The following DPY19L3 variants were observed in gnomAD, a reference collection of about 807,000 sequenced individuals.
The protein encoded by DPY19L3 is protein C-mannosyl-transferase DPY19L3.
In DPY19L3, 51 loss-of-function variants were observed where a neutral mutation model predicts 92.3. The observed-to-expected ratio is 0.55, with a 90% CI of 0.44 to 0.70. DPY19L3 has a LOEUF of 0.70. Ranked by LOEUF, DPY19L3 falls within the 30% of genes least tolerant of loss-of-function variation. DPY19L3 has a pLI of 0.00. For synonymous variants in DPY19L3, 309 were observed against 315.2 expected, an observed-to-expected ratio of 0.98 and a Z score of 0.21; for missense variants, 706 against 855.9, an observed-to-expected ratio of 0.82 and a Z score of 2.18.
chr19:32,464,316 T>TTA (rs149674766), intron 14 of DPY19L3, among the ~76,000 whole-genome samples: 1 of 152,104 alleles, frequency 6.6e-6, no homozygotes, highest in Admixed American at 6.6e-5. Flanking sequence ...AGATAATTAT[T>TTA]TATATATGTA....
intron 8 of DPY19L3, among the ~76,000 whole-genome samples, chr19:32,443,164 A>G (rs1020671904): frequency 6.6e-6 from 1 of 152,170 alleles, no homozygotes. Flanking sequence ...TCTCCCAGCC[A>G]GCATGTGTCA....
At chr19:32,440,594 A>G (rs1030607649) in intron 8 of DPY19L3, among the ~76,000 whole-genome samples, 1 of 152,218 alleles carries the variant, frequency 6.6e-6, no homozygotes, top group Non-Finnish European at 1.5e-5. Context: ...AAGGAGATCC[A>G]GTAAGCTTCC....
chr19:32,482,783 G>A lies in DPY19L3; in HGVS notation c.*543G>A, dbSNP rs1339371154. ...TGTCAACATTAACAAAAAAAATCATGTTAAGGCTTTGTATCAAACATTTTG... is the reference window on the plus strand; with the variant it reads ...TGTCAACATTAACAAAAAAAATCATATTAAGGCTTTGTATCAAACATTTTG... On this transcript the variant is annotated 3_prime_UTR_variant, in exon 19 of 19. Coordinates refer to ENST00000392250, the MANE Select transcript of DPY19L3 (RefSeq NM_001172774.2). 1 of 153,082 alleles carries A rather than the reference G, an allele frequency of 6.5e-6. No individual in the cohort carries two copies. The highest frequency in any genetic ancestry group is 2.4e-5 in the African/African-American group (1 of 41,440). The allele number at this position is 153,082 out of a possible 1,614,324, so 9.5% of individuals were successfully genotyped here. A position where few individuals can be genotyped will look rare whatever the true frequency, so the allele number is the denominator to read the frequency against.
intron 4 of DPY19L3, 145 bp downstream of exon 4, chr19:32,432,951 G>A: frequency 1.5e-6 from 1 of 645,940 alleles, no homozygotes; most frequent in Non-Finnish European, 2.6e-6. Context: ...TCATGAAAAT[G>A]TTTTTTGCTC....
intron 9 of DPY19L3, 85 bp downstream of exon 9, chr19:32,453,361 A>C: frequency 7.3e-7 from 1 of 1,373,896 alleles, no homozygotes; most frequent in Non-Finnish European, 9.8e-7. Context: ...ACAGCATACA[A>C]AGGGAAATTT....
chr19:32,444,100 G>A (rs1310170850), intron 8 of DPY19L3, among the ~76,000 whole-genome samples: 5 of 149,954 alleles, frequency 3.3e-5, no homozygotes, highest in African/African-American at 1.2e-4. Flanking sequence ...TGAGTGAAAA[G>A]AGACAATCAA....
At chr19:32,421,826 C>G (rs1968581897) in intron 3 of DPY19L3, among the ~76,000 whole-genome samples, 1 of 151,910 alleles carries the variant, frequency 6.6e-6, no homozygotes, top group Admixed American at 6.6e-5. Flanking sequence ...GAACAGCATG[C>G]TAGGCAGGCC....
chr19:32,407,574 G>A (rs1968017207), intron 1 of DPY19L3, among the ~76,000 whole-genome samples: 1 of 152,190 alleles, frequency 6.6e-6, no homozygotes, highest in African/African-American at 2.4e-5. Flanking sequence ...GCATTGCGTG[G>A]TAACTGCTAT....
intron 8 of DPY19L3, among the ~76,000 whole-genome samples, chr19:32,449,951 G>A (rs776731042): frequency 2.0e-5 from 3 of 152,142 alleles, no homozygotes; most frequent in Admixed American, 1.3e-4. Context: ...TCAAAAGTGT[G>A]CTATTAGGAA....
At chr19:32,411,486 A>C (rs527832267) in intron 3 of DPY19L3, 114 bp downstream of exon 3, 2 of 1,129,524 alleles carry the variant, frequency 1.8e-6, no homozygotes, top group African/African-American at 3.1e-5. Flanking sequence ...CAATCTCTAG[A>C]AAGGTTGGAC....
At chr19:32,451,818 ATT>A (rs1969709371) in intron 8 of DPY19L3, among the ~76,000 whole-genome samples, 1 of 151,950 alleles carries the variant, frequency 6.6e-6, no homozygotes, top group Non-Finnish European at 1.5e-5. Context: ...TGTGCCAGGC[ATT>A]TCCTCCCCAC....
chr19:32,465,544 G>A (rs1329014772), intron 15 of DPY19L3, among the ~76,000 whole-genome samples: 3 of 151,960 alleles, frequency 2.0e-5, no homozygotes, highest in African/African-American at 4.8e-5. Context: ...TTAAAACGAC[G>A]GATTTCAAAC....
intron 1 of DPY19L3, 116 bp downstream of exon 1, chr19:32,406,025 G>A (rs1967929027): frequency 6.6e-6 from 1 of 151,020 alleles, no homozygotes; most frequent in African/African-American, 2.4e-5. Flanking sequence ...CCCGCCGCGT[G>A]GCGCAGTCGG....
chr19:32,405,991 C>T (rs1352000736), intron 1 of DPY19L3, 82 bp downstream of exon 1: 1 of 151,236 alleles, frequency 6.6e-6, no homozygotes, highest in Non-Finnish European at 1.5e-5. Context: ...CGGCTACAGC[C>T]CCGAGCCCCT....
At chr19:32,437,873 T>C (rs1969196808) in intron 6 of DPY19L3, among the ~76,000 whole-genome samples, 2 of 152,180 alleles carry the variant, frequency 1.3e-5, no homozygotes, top group East Asian at 1.9e-4. Context: ...AGGATCTCCC[T>C]ATGTTGCCCA....
intron 3 of DPY19L3, among the ~76,000 whole-genome samples, chr19:32,414,967 C>T (rs1599588403): frequency 1.3e-5 from 2 of 152,332 alleles, no homozygotes; most frequent in South Asian, 2.1e-4. Context: ...TTGAGTTCAA[C>T]ACTGCAGAGA....
chr19:32,415,149 G>A (rs913438773), intron 3 of DPY19L3, among the ~76,000 whole-genome samples: 1 of 152,194 alleles, frequency 6.6e-6, no homozygotes, highest in Non-Finnish European at 1.5e-5. Flanking sequence ...TTACACTCTT[G>A]AGAAGGATAC....
chr19:32,448,556 TA>T (rs1374067649), intron 8 of DPY19L3, among the ~76,000 whole-genome samples: 2 of 152,166 alleles, frequency 1.3e-5, no homozygotes, highest in Non-Finnish European at 2.9e-5. Context: ...ATTCTTATTA[TA>T]AAGTAAGCTA....
At chr19:32,481,134 G>A (rs761860107) in intron 18 of DPY19L3, 18 of 205,004 alleles carry the variant, frequency 8.8e-5, no homozygotes, top group African/African-American at 2.3e-4. Flanking sequence ...TTGGAGCTAT[G>A]CCAGGTCTCA....
Sources: gnomAD v4.1 joint callset for allele counts (sites outside exome capture counted in the v4.1 genomes callset) on GRCh38, gnomAD v4.1.1 for gene constraint, MANE v1.5 for transcripts, NCBI Gene and HGNC (gene_info 2026-07-23, HGNC 2026-07-21) for gene names.